GFRA1: variants seen among roughly 807,000 people sequenced by gnomAD.
GFRA1 encodes the protein GDNF family receptor alpha 1.
GFRA1 carries 16 observed loss-of-function variants against 51.6 expected under a neutral mutation model. The ratio of observed to expected loss-of-function variants is 0.31; its 90% CI spans 0.21 to 0.47. The LOEUF (loss-of-function observed/expected upper bound fraction) is 0.47. GFRA1 is among the 20% of genes least tolerant of loss of function. The pLI is 1.00. For synonymous variants in GFRA1, 270 were observed against 241.3 expected (o/e 1.12, Z -1.10); for missense variants, 530 against 594.3 (o/e 0.89, Z 1.13).
chr10:116,260,068 C>T (rs1735387577), intron 4 of GFRA1, among the ~76,000 whole-genome samples: 1 of 152,184 alleles, frequency 6.6e-6, no homozygotes, highest in South Asian at 2.1e-4. Context: ...AGGCAGAGTT[C>T]CAAAGGGAAC....
chr10:116,065,808 TTTTAATAATATATA>T (rs1955080782), intron 9 of GFRA1, among the ~76,000 whole-genome samples, 182 bp from the exon 10 acceptor site: 1 of 152,186 alleles, frequency 6.6e-6, no homozygotes, highest in Admixed American at 6.6e-5. Context: ...GTGAAGTTAA[TTTTAATAATATATA>T]TTATTTAACC....
At chr10:116,135,471 A>G (rs1292667032) in intron 5 of GFRA1, among the ~76,000 whole-genome samples, 1 of 152,210 alleles carries the variant, frequency 6.6e-6, no homozygotes, top group Non-Finnish European at 1.5e-5. Context: ...CTTACCACAC[A>G]CTCAGGCACA....
chr10:116,061,721 CCGGA>C lies in GFRA1; in HGVS notation c.*2673_*2676del. ...CTGTCTTCAGTGGCACCCCAAATGC[CCGGA>C]CTGAAGGACAGGAAGTAGCGAATCA... On this transcript the variant is annotated 3_prime_UTR_variant, in exon 11 of 11. Transcript: ENST00000355422. 1 of 320,092 alleles carries C rather than the reference CCGGA, an allele frequency of 3.1e-6. No individual in the cohort carries two copies. The highest frequency in any genetic ancestry group is 5.6e-6 in the Non-Finnish European group (1 of 177,178). 19.8% of individuals were successfully genotyped at this position (320,092 alleles called of 1,614,324 possible).
chr10:116,095,190 A>G (rs960296918), intron 7 of GFRA1, among the ~76,000 whole-genome samples: 2 of 152,238 alleles, frequency 1.3e-5, no homozygotes, highest in Non-Finnish European at 2.9e-5. Flanking sequence ...CTGAAGTGTT[A>G]ACAGGGACTA....
At chr10:116,208,998 T>C (rs1964992574) in intron 5 of GFRA1, among the ~76,000 whole-genome samples, 1 of 152,204 alleles carries the variant, frequency 6.6e-6, no homozygotes, top group African/African-American at 2.4e-5. Context: ...TTAAGGCTCC[T>C]TGAAAACATG....
At chr10:116,075,608 C>T (rs1468126891) in intron 9 of GFRA1, among the ~76,000 whole-genome samples, 5 of 152,050 alleles carry the variant, frequency 3.3e-5, no homozygotes, top group Non-Finnish European at 5.9e-5. Context: ...AGAGGCCTGG[C>T]CCTTCAGCAT....
intron 9 of GFRA1, among the ~76,000 whole-genome samples, chr10:116,072,111 CAACTT>C (rs1298178458): frequency 2.0e-5 from 3 of 151,110 alleles, no homozygotes; most frequent in Admixed American, 6.6e-5. Flanking sequence ...CAGATATATT[CAACTT>C]AGTTTGCATT....
chr10:116,176,921 A>G (rs1253765540), intron 5 of GFRA1, among the ~76,000 whole-genome samples: 1 of 152,194 alleles, frequency 6.6e-6, no homozygotes, highest in Non-Finnish European at 1.5e-5. Context: ...GTCCAGGCAC[A>G]TGACTTTGCA....
In GFRA1 at chr10:116,059,569, TAGC is replaced by T. The variant is rs996235330; in HGVS notation, c.*4826_*4828del. The T allele has an allele frequency of 6.6e-6, 1 of 152,294 alleles. No individual in the cohort carries two copies. The highest frequency in any genetic ancestry group is 2.4e-5 in the African/African-American group (1 of 41,454). The allele number at this position is 152,294 out of a possible 1,614,324, so 9.4% of individuals were successfully genotyped here. ...AGGGGGCTGAGACCTCAACGACTAT[TAGC>T]AGGCTGTGGTTCTCTGCAGGCAGTT... is the stretch of plus-strand genomic sequence containing the variant. On this transcript the variant is annotated 3_prime_UTR_variant, in exon 11 of 11. Transcript: ENST00000355422.
intron 5 of GFRA1, among the ~76,000 whole-genome samples, chr10:116,162,319 G>A (rs992611805): frequency 6.6e-6 from 1 of 152,214 alleles, no homozygotes; most frequent in African/African-American, 2.4e-5. Context: ...AAGGACCCAC[G>A]AGAGCATTAA....
rs149491004 is a variant in GFRA1 at position 116,096,692 on chromosome 10, G to A, written c.843C>T (p.Asn281=). The A allele has an allele frequency of 1.2e-6, 2 of 1,611,366 alleles. No individual in the cohort carries two copies. Among genetic ancestry groups the A allele is most frequent in the African/African-American group, 1.3e-5 (1 of 74,898 alleles). The change falls in exon 7 of 11, where the codon AAC becomes AAT. Residue 281 remains asparagine, a synonymous_variant. Coordinates refer to ENST00000355422, the MANE Select transcript of GFRA1 (RefSeq NM_005264.8). Reference sequence around the variant, plus strand: ...AGTAGGCGAGGAGGCAGTCAGCGTAGTTTTCCTTTAGACAGCTGCTGACAG... The same window carrying A: ...AGTAGGCGAGGAGGCAGTCAGCGTAATTTTCCTTTAGACAGCTGCTGACAG... ...SRSVSSCLKE[N]YADCLLAYSG... is the part of the protein sequence containing the mutation.
intron 4 of GFRA1, among the ~76,000 whole-genome samples, chr10:116,212,394 C>A (rs191087996): frequency 8.3e-4 from 127 of 152,118 alleles, no homozygotes; most frequent in African/African-American, 2.8e-3. Context: ...GTGGTGGGTG[C>A]CTGTAATCCC....
At chr10:116,228,774 A>C (rs1966486691) in intron 4 of GFRA1, among the ~76,000 whole-genome samples, 1 of 151,872 alleles carries the variant, frequency 6.6e-6, no homozygotes, top group Non-Finnish European at 1.5e-5. Context: ...CGAGGTCAGG[A>C]GTTCAAGACC....
chr10:116,077,229 G>T (rs1001630532), intron 9 of GFRA1, among the ~76,000 whole-genome samples: 4 of 152,158 alleles, frequency 2.6e-5, no homozygotes, highest in Admixed American at 6.6e-5. Flanking sequence ...AGCTATAGGA[G>T]ATTAGGGATA....
intron 5 of GFRA1, among the ~76,000 whole-genome samples, chr10:116,199,994 C>T (rs1964200723): frequency 6.6e-6 from 1 of 152,232 alleles, no homozygotes; most frequent in Admixed American, 6.5e-5. Context: ...TTGCGAAGGA[C>T]TGCCTTCACT....
intron 9 of GFRA1, among the ~76,000 whole-genome samples, chr10:116,070,467 A>G (rs2133791226): frequency 6.6e-6 from 1 of 152,304 alleles, no homozygotes; most frequent in East Asian, 1.9e-4. Flanking sequence ...GTTTAAATCT[A>G]CATATTTTAT....
At chr10:116,133,508 C>A (rs1291608671) in intron 5 of GFRA1, among the ~76,000 whole-genome samples, 1 of 152,152 alleles carries the variant, frequency 6.6e-6, no homozygotes, top group Non-Finnish European at 1.5e-5. Flanking sequence ...ATCATCTGAG[C>A]GTTTTCATAC....
intron 5 of GFRA1, among the ~76,000 whole-genome samples, chr10:116,178,649 G>A (rs1235528050): frequency 6.6e-6 from 1 of 152,206 alleles, no homozygotes; most frequent in East Asian, 1.9e-4. Flanking sequence ...TCCCCACTCT[G>A]ATCTGACTGG....
At chr10:116,244,884 G>A (rs1340285195) in intron 4 of GFRA1, among the ~76,000 whole-genome samples, 3 of 152,106 alleles carry the variant, frequency 2.0e-5, no homozygotes, top group African/African-American at 2.4e-5. Context: ...CAAAACTGAG[G>A]AATGTTTTTA....
Sources: gnomAD v4.1 joint callset for allele counts (sites outside exome capture counted in the v4.1 genomes callset) on GRCh38, gnomAD v4.1.1 for gene constraint, MANE v1.5 for transcripts, NCBI Gene and HGNC (gene_info 2026-07-23, HGNC 2026-07-21) for gene names.